The following ASCC3 variants were observed in gnomAD, a reference collection of about 807,000 sequenced individuals.
ASCC3 encodes activating signal cointegrator 1 complex subunit 3, also known as ASC-1 complex subunit P200.
ASCC3 carries 158 observed loss-of-function variants against 256.3 expected under a neutral mutation model. The ratio of observed to expected loss-of-function variants is 0.62; its 90% CI spans 0.54 to 0.70. The LOEUF is 0.70. Ranked by LOEUF, ASCC3 falls within the 30% of genes least tolerant of loss-of-function variation. The pLI is 0.00. For missense variants in ASCC3, 2,259 were observed against 2,626.0 expected (o/e 0.86, Z 3.05); for synonymous variants, 948 against 883.4 (o/e 1.07, Z -1.30).
chr6:100,739,506 T>C (rs1285721740), intron 10 of ASCC3, among the ~76,000 whole-genome samples: 1 of 152,148 alleles, frequency 6.6e-6, no homozygotes, highest in Non-Finnish European at 1.5e-5. Context: ...ATAGTTTCAG[T>C]AGAAATGGTA....
intron 4 of ASCC3, among the ~76,000 whole-genome samples, chr6:100,828,211 T>A (rs952730376): frequency 6.6e-6 from 1 of 152,186 alleles, no homozygotes; most frequent in South Asian, 2.1e-4. Context: ...CATTTTAGTT[T>A]AGCAAATTAT....
intron 14 of ASCC3, among the ~76,000 whole-genome samples, chr6:100,668,101 A>G (rs1404423969): frequency 2.6e-5 from 4 of 152,068 alleles, no homozygotes; most frequent in Non-Finnish European, 5.9e-5. Context: ...AATTTGTTAC[A>G]GATTGTCTAA....
intron 4 of ASCC3, among the ~76,000 whole-genome samples, chr6:100,813,427 A>G (rs574032497): frequency 6.6e-6 from 1 of 152,248 alleles, no homozygotes; most frequent in East Asian, 1.9e-4. Context: ...ATTGCACTCC[A>G]GCCTGGGCAA....
At chr6:100,611,236 C>T (rs76035959) in intron 30 of ASCC3, among the ~76,000 whole-genome samples, 4,610 of 152,090 alleles carry the variant, frequency 0.03, 78 homozygotes, top group African/African-American at 0.055. Flanking sequence ...TGAAGACAAT[C>T]GCACACACAA....
intron 13 of ASCC3, among the ~76,000 whole-genome samples, chr6:100,698,485 C>T (rs1008407682): frequency 4.6e-5 from 7 of 151,658 alleles, no homozygotes; most frequent in Non-Finnish European, 8.8e-5. Context: ...TACTCAAGGG[C>T]TTAATGAATA....
Position 100,805,799 on chromosome 6 carries a change from G to T in ASCC3, c.883C>A (p.Leu295Ile), listed in dbSNP as rs972800219. ...AACCTATGATCATTTGAAGAATTAAGAAATCTATCCACAATTGTAATTCTG... is the reference window on the plus strand; with the variant it reads ...AACCTATGATCATTTGAAGAATTAATAAATCTATCCACAATTGTAATTCTG... ...QNRITIVDRF[L>I]NSSNDHRFQA... The change falls in exon 5 of 42, where the codon CTT (leucine) becomes ATT (isoleucine). Residue 295 changes from leucine to isoleucine, a missense_variant. Leu to Ile is a conservative substitution (Grantham distance 5). Coordinates refer to ENST00000369162, the MANE Select transcript of ASCC3 (RefSeq NM_006828.4). 3 of 1,611,160 alleles carry T rather than the reference G, an allele frequency of 1.9e-6. No homozygotes were observed. Among genetic ancestry groups the T allele is most frequent in the African/African-American group, 1.3e-5 (1 of 74,778 alleles).
At chr6:100,705,448 A>G (rs865874683) in intron 13 of ASCC3, among the ~76,000 whole-genome samples, 10 of 151,952 alleles carry the variant, frequency 6.6e-5, no homozygotes, top group African/African-American at 2.2e-4. Flanking sequence ...TTTTTGCCTA[A>G]AAAGTGTTTA....
At chr6:100,773,607 T>C (rs970388774) in intron 8 of ASCC3, among the ~76,000 whole-genome samples, 1 of 152,180 alleles carries the variant, frequency 6.6e-6, no homozygotes, top group African/African-American at 2.4e-5. Flanking sequence ...TGTATTATTA[T>C]TATGACCCTT....
intron 24 of ASCC3, among the ~76,000 whole-genome samples, chr6:100,642,037 T>C (rs1775146855): frequency 7.2e-6 from 1 of 139,698 alleles, no homozygotes; most frequent in Non-Finnish European, 1.6e-5. Context: ...GGGGGAGGGA[T>C]AGCATTAGGT....
At chr6:100,610,690 T>C (rs1773348586) in intron 30 of ASCC3, among the ~76,000 whole-genome samples, 1 of 152,170 alleles carries the variant, frequency 6.6e-6, no homozygotes, top group South Asian at 2.1e-4. Context: ...ATTTACTTTA[T>C]GAACTGTTAA....
At chr6:100,702,677 G>C (rs73502948) in intron 13 of ASCC3, among the ~76,000 whole-genome samples, 2,318 of 152,174 alleles carry the variant, frequency 0.015, 62 homozygotes, top group African/African-American at 0.054. Context: ...AGAGGATAAA[G>C]AAAAACAGAG....
intron 36 of ASCC3, among the ~76,000 whole-genome samples, chr6:100,581,741 A>G (rs1382843607): frequency 6.6e-6 from 1 of 151,994 alleles, no homozygotes; most frequent in Non-Finnish European, 1.5e-5. Flanking sequence ...TCTTTAATCC[A>G]TCTTGGATTG....
intron 4 of ASCC3, among the ~76,000 whole-genome samples, chr6:100,831,583 C>T (rs9485415): frequency 0.15 from 22,421 of 151,798 alleles, 2,708 homozygotes; most frequent in East Asian, 0.36. Context: ...GGAGCTTCTG[C>T]GTTCATGAAA....
intron 14 of ASCC3, among the ~76,000 whole-genome samples, chr6:100,663,676 T>C (rs1361356647): frequency 6.6e-6 from 1 of 152,132 alleles, no homozygotes; most frequent in Admixed American, 6.6e-5. Context: ...ATGCTGAGGT[T>C]GCTAAAATCG....
intron 10 of ASCC3, among the ~76,000 whole-genome samples, chr6:100,731,862 T>C (rs1261123561): frequency 1.3e-5 from 2 of 152,088 alleles, no homozygotes; most frequent in Non-Finnish European, 2.9e-5. Flanking sequence ...AAGAAACACT[T>C]TAAAATGTCA....
At chr6:100,568,902 C>T (rs564131560) in intron 36 of ASCC3, among the ~76,000 whole-genome samples, 72 of 151,692 alleles carry the variant, frequency 4.7e-4, no homozygotes, top group Non-Finnish European at 1.0e-4. Context: ...CTCAGCCTCC[C>T]GAGTAACTGG....
intron 8 of ASCC3, among the ~76,000 whole-genome samples, chr6:100,782,897 C>T (rs1225579903): frequency 6.6e-6 from 1 of 151,742 alleles, no homozygotes; most frequent in Non-Finnish European, 1.5e-5. Context: ...AAATTAAATA[C>T]ACTGCTTATT....
intron 37 of ASCC3, among the ~76,000 whole-genome samples, chr6:100,527,950 C>T (rs1388533975): frequency 6.6e-6 from 1 of 151,844 alleles, no homozygotes; most frequent in Admixed American, 6.6e-5. Context: ...AATGATCCTC[C>T]TTAGCCTCCC....
At chr6:100,857,636 A>T (rs555984867) in intron 3 of ASCC3, 2 of 152,062 alleles carry the variant, frequency 1.3e-5, no homozygotes, top group Admixed American at 1.3e-4. Flanking sequence ...TTTGGCCTTC[A>T]TTATAAATCA....
Sources: gnomAD v4.1 joint callset for allele counts (sites outside exome capture counted in the v4.1 genomes callset) on GRCh38, gnomAD v4.1.1 for gene constraint, MANE v1.5 for transcripts, NCBI Gene and HGNC (gene_info 2026-07-23, HGNC 2026-07-21) for gene names.